The following ASTN2 variants were observed in gnomAD, a reference collection of about 807,000 sequenced individuals.
The protein encoded by ASTN2 is astrotactin 2, also known as astrotactin-2.
Under a neutral mutation model 139.8 loss-of-function variants are expected in ASTN2, and 54 were observed. The ratio of observed to expected loss-of-function variants is 0.39; its 90% CI spans 0.31 to 0.48. ASTN2 has a LOEUF of 0.48. Ranked by LOEUF, ASTN2 falls within the 20% of genes least tolerant of loss-of-function variation. The pLI, the probability that ASTN2 is intolerant of heterozygous loss-of-function variation, is 0.95. For missense variants in ASTN2, 1,565 were observed against 1,725.1 expected (o/e 0.91, Z 1.64); for synonymous variants, 756 against 719.5 (o/e 1.05, Z -0.81).
At chr9:117,067,376 T>G in intron 5 of ASTN2, among the ~76,000 whole-genome samples, 1 of 131,860 alleles carries the variant, frequency 7.6e-6, no homozygotes, top group Non-Finnish European at 1.7e-5. Context: ...ATCTCTGTTT[T>G]GGTACCAGTA....
At chr9:117,298,279 C>A (rs904496530) in intron 1 of ASTN2, among the ~76,000 whole-genome samples, 3 of 152,130 alleles carry the variant, frequency 2.0e-5, no homozygotes, top group Non-Finnish European at 4.4e-5. Context: ...TATAACGTAC[C>A]ACATATACTA....
intron 16 of ASTN2, among the ~76,000 whole-genome samples, chr9:116,670,058 G>T (rs1253288217): frequency 6.6e-6 from 1 of 152,122 alleles, no homozygotes; most frequent in Non-Finnish European, 1.5e-5. Context: ...ACCCGCCTTG[G>T]CCTCCCAAAG....
chr9:116,824,682 C>T (rs1459671559), intron 11 of ASTN2, among the ~76,000 whole-genome samples: 1 of 152,192 alleles, frequency 6.6e-6, no homozygotes, highest in Non-Finnish European at 1.5e-5. Context: ...ATAATAAATA[C>T]TTTTTGTTTT....
chr9:116,682,226 G>C (rs930985456), intron 16 of ASTN2, among the ~76,000 whole-genome samples: 2 of 152,212 alleles, frequency 1.3e-5, no homozygotes, highest in African/African-American at 4.8e-5. Context: ...GACATGAGCA[G>C]ACACTTCTCA....
chr9:117,192,822 GGATGA>G (rs1422559104), intron 3 of ASTN2, among the ~76,000 whole-genome samples: 1 of 152,198 alleles, frequency 6.6e-6, no homozygotes, highest in African/African-American at 2.4e-5. Flanking sequence ...TGTATTTCAT[GGATGA>G]GTGACTTAAT....
At chr9:116,803,498 ATATATATATATATATATATATATATT>A (rs1830929274) in intron 13 of ASTN2, among the ~76,000 whole-genome samples, 2 of 41,558 alleles carry the variant, frequency 4.8e-5, no homozygotes, top group Admixed American at 2.3e-4. Context: ...ATATATATAT[ATATATATATATATATATATATATATT>A]TTTTTTTTTT....
chr9:117,172,365 T>A (rs1013667657), intron 3 of ASTN2, among the ~76,000 whole-genome samples: 1 of 152,096 alleles, frequency 6.6e-6, no homozygotes, highest in African/African-American at 2.4e-5. Flanking sequence ...GGCCACTGTA[T>A]CGGGAGGCAC....
intron 13 of ASTN2, among the ~76,000 whole-genome samples, chr9:116,773,500 C>G (rs1458293358): frequency 6.6e-6 from 1 of 152,144 alleles, no homozygotes; most frequent in Non-Finnish European, 1.5e-5. Flanking sequence ...CAGATGGAAC[C>G]ATGCCTCCTT....
At chr9:117,301,243 GCTCT>G (rs1204906076) in intron 1 of ASTN2, among the ~76,000 whole-genome samples, 3 of 152,028 alleles carry the variant, frequency 2.0e-5, no homozygotes, top group East Asian at 1.9e-4. Context: ...ATGTTTGCAT[GCTCT>G]CTCTGTCTCT....
At chr9:116,558,001 A>G (rs1357034320) in intron 19 of ASTN2, among the ~76,000 whole-genome samples, 2 of 152,238 alleles carry the variant, frequency 1.3e-5, no homozygotes, top group Non-Finnish European at 2.9e-5. Context: ...CTATAAGCAT[A>G]GAAATAGAAT....
intron 16 of ASTN2, among the ~76,000 whole-genome samples, chr9:116,681,536 T>C (rs1859866400): frequency 6.6e-6 from 1 of 152,140 alleles, no homozygotes; most frequent in Non-Finnish European, 1.5e-5. Flanking sequence ...TTAAGGTTCA[T>C]ATGGAACCAA....
At chr9:116,945,712 C>G (rs1413694974) in intron 10 of ASTN2, among the ~76,000 whole-genome samples, 1 of 150,714 alleles carries the variant, frequency 6.6e-6, no homozygotes, top group East Asian at 2.0e-4. Flanking sequence ...CAATATTTTT[C>G]TTAGTGCTGC....
At chr9:117,184,068 G>A (rs963395753) in intron 3 of ASTN2, among the ~76,000 whole-genome samples, 4 of 152,126 alleles carry the variant, frequency 2.6e-5, no homozygotes, top group Admixed American at 1.3e-4. Context: ...ATAGCTACAG[G>A]TTAAGAGCCA....
At chr9:116,867,917 G>A (rs1449088193) in intron 10 of ASTN2, among the ~76,000 whole-genome samples, 1 of 152,194 alleles carries the variant, frequency 6.6e-6, no homozygotes, top group Non-Finnish European at 1.5e-5. Flanking sequence ...AGACACTGGC[G>A]TTTTCTTAAC....
At chr9:117,320,274 C>A (rs1828287197) in intron 1 of ASTN2, among the ~76,000 whole-genome samples, 1 of 152,102 alleles carries the variant, frequency 6.6e-6, no homozygotes, top group Non-Finnish European at 1.5e-5. Flanking sequence ...CTGAACTGAA[C>A]TGAAATGAAA....
intron 1 of ASTN2, among the ~76,000 whole-genome samples, chr9:117,400,892 A>T (rs866263005): frequency 1.3e-5 from 2 of 152,076 alleles, no homozygotes; most frequent in Non-Finnish European, 1.5e-5. Flanking sequence ...AGTCCTCTCC[A>T]CCATATTACA....
intron 5 of ASTN2, among the ~76,000 whole-genome samples, chr9:117,062,936 G>T (rs1029865581): frequency 6.6e-6 from 1 of 152,110 alleles, no homozygotes; most frequent in African/African-American, 2.4e-5. Context: ...GCTAGCCTTG[G>T]CTCCAGACTA....
chr9:116,645,398 A>G (rs1430197862), intron 17 of ASTN2, among the ~76,000 whole-genome samples: 2 of 152,184 alleles, frequency 1.3e-5, no homozygotes. Flanking sequence ...AGCACAAGGT[A>G]TAATCAAGGG....
chr9:116,456,349 G>A lies in ASTN2; in HGVS notation c.3498-13796C>T, dbSNP rs139673336. Among the ~76,000 whole-genome samples, 121 of 152,180 alleles carry A rather than the reference G, an allele frequency of 8.0e-4. 3 individuals are homozygous for A. In the Middle Eastern group the frequency reaches 0.017, roughly 21 times the overall value. On this transcript the variant is annotated intron_variant, in intron 20 of 22. Transcript: ENST00000313400. ...ATATAAAACATTGAGTCAAGAAATTGAAGAGGACACACAAAAATAGGAAAG... is the reference window on the plus strand; with the variant it reads ...ATATAAAACATTGAGTCAAGAAATTAAAGAGGACACACAAAAATAGGAAAG...
Sources: allele counts gnomAD v4.1 joint callset (sites outside exome capture counted in the v4.1 genomes callset), GRCh38; gene constraint gnomAD v4.1.1; transcripts MANE v1.5; gene names NCBI Gene and HGNC (gene_info 2026-07-23, HGNC 2026-07-21).